The following DNAH12 variants were observed in gnomAD, a reference collection of about 807,000 sequenced individuals.
DNAH12 encodes dynein axonemal heavy chain 12, also known as axonemal beta dynein heavy chain 12.
Under a neutral mutation model 371.5 loss-of-function variants are expected in DNAH12, and 285 were observed. The observed-to-expected ratio is 0.77, with a 90% confidence interval of 0.70 to 0.85. The LOEUF (loss-of-function observed/expected upper bound fraction) is 0.85, where lower values mean the gene tolerates loss of function less well. Ranked by LOEUF, DNAH12 falls within the 40% of genes least tolerant of loss-of-function variation. The pLI is 0.00. For synonymous variants in DNAH12, 1,200 were observed against 1,213.0 expected (o/e 0.99, Z 0.22); for missense variants, 3,611 against 3,689.4 (o/e 0.98, Z 0.55).
At chr3:57,525,803 C>T (rs768754040) in intron 2 of DNAH12, among the ~76,000 whole-genome samples, 1 of 115,254 alleles carries the variant, frequency 8.7e-6, no homozygotes, top group Admixed American at 1.2e-4. Flanking sequence ...CACTCTGTCC[C>T]CCAGGCTGGA....
At chr3:57,501,503 T>C in intron 10 of DNAH12, 91 bp from the exon 11 acceptor site, 1 of 811,956 alleles carries the variant, frequency 1.2e-6, no homozygotes, top group Non-Finnish European at 1.9e-6. Context: ...GGGGACCTAC[T>C]CAATTAAATA....
chr3:57,542,982 C>A, intron 1 of DNAH12, 79 bp from the exon 2 acceptor site: 1 of 1,088,488 alleles, frequency 9.2e-7, no homozygotes, highest in Non-Finnish European at 1.2e-6. Context: ...CATATCAATA[C>A]CAAAAGTAAA....
At chr3:57,309,537 G>T in intron 68 of DNAH12, 129 bp downstream of exon 68, 1 of 908,324 alleles carries the variant, frequency 1.1e-6, no homozygotes, top group Non-Finnish European at 1.5e-6. Flanking sequence ...TAACGGATTT[G>T]GAGGCTAATG....
chr3:57,342,484 CAAAAAA>C (rs71088060), intron 60 of DNAH12, among the ~76,000 whole-genome samples: 104 of 66,048 alleles, frequency 1.6e-3, no homozygotes, highest in Non-Finnish European at 2.4e-3. Context: ...ACTAAAAATA[CAAAAAA>C]AAAAAAAAAA....
chr3:57,442,459 C>T (rs1261407090), intron 29 of DNAH12, among the ~76,000 whole-genome samples: 1 of 152,016 alleles, frequency 6.6e-6, no homozygotes, highest in Non-Finnish European at 1.5e-5. Flanking sequence ...AAAATACTAA[C>T]TGTAAAGTTG....
intron 11 of DNAH12, among the ~76,000 whole-genome samples, chr3:57,491,842 C>CA (rs2067136944): frequency 6.6e-6 from 1 of 151,876 alleles, no homozygotes; most frequent in South Asian, 2.1e-4. Flanking sequence ...CCTATCTCTA[C>CA]AAAAAATACA....
chr3:57,434,528 T>C (rs1034466942), intron 30 of DNAH12, among the ~76,000 whole-genome samples: 2 of 152,140 alleles, frequency 1.3e-5, no homozygotes, highest in African/African-American at 4.8e-5. Context: ...TCTTACAGAA[T>C]ATCCTAGCCC....
At chr3:57,299,045 C>A (rs74784366) in intron 70 of DNAH12, among the ~76,000 whole-genome samples, 1 of 152,152 alleles carries the variant, frequency 6.6e-6, no homozygotes, top group Non-Finnish European at 1.5e-5. Flanking sequence ...AGGAAGAGAA[C>A]AAACTGCTGC....
At chr3:57,448,572 G>A (rs927770274) in intron 25 of DNAH12, among the ~76,000 whole-genome samples, 2 of 152,300 alleles carry the variant, frequency 1.3e-5, no homozygotes, top group African/African-American at 4.8e-5. Flanking sequence ...ATTGCAAAAA[G>A]CAAAAGAACA....
At chr3:57,490,214 C>T (rs1303646218) in intron 11 of DNAH12, among the ~76,000 whole-genome samples, 3 of 151,928 alleles carry the variant, frequency 2.0e-5, no homozygotes, top group East Asian at 3.9e-4. Context: ...GCCTATAATC[C>T]CAGCTACTGT....
intron 1 of DNAH12, among the ~76,000 whole-genome samples, chr3:57,543,315 G>GTTTTTTTTTTTTTTT (rs5849214): frequency 1.4e-5 from 1 of 70,286 alleles, no homozygotes; most frequent in African/African-American, 6.3e-5. Flanking sequence ...ATCATTAATG[G>GTTTTTTTTTTTTTTT]TTTTTTTTTT....
intron 65 of DNAH12, among the ~76,000 whole-genome samples, chr3:57,318,583 C>T (rs1005265051): frequency 4.0e-5 from 6 of 151,884 alleles, no homozygotes; most frequent in Non-Finnish European, 7.4e-5. Context: ...CAAAATGCTC[C>T]AAAATCCAAA....
At position 57,470,555 on chromosome 3, in the gene DNAH12, G is replaced by T. The variant is rs1159853240; in HGVS notation, c.1993C>A (p.Leu665Ile). The T allele has an allele frequency of 1.9e-6, 3 of 1,549,816 alleles. No homozygotes were observed. Among genetic ancestry groups the T allele is most frequent in the Admixed American group, 3.9e-5 (2 of 50,634 alleles). ...TATTTTGTCAATTCCCACTTGAAAAGTTCCTCTTCTTTATTAATAAACTGC... is the reference window on the plus strand; with the variant it reads ...TATTTTGTCAATTCCCACTTGAAAATTTCCTCTTCTTTATTAATAAACTGC... Reference protein sequence around the residue: ...AVQFINKEEELFKWELTKYPE... With the variant: ...AVQFINKEEEIFKWELTKYPE... The change falls in exon 16 of 74, where the codon CTT (leucine) becomes ATT (isoleucine). Residue 665 changes from leucine to isoleucine, a missense_variant. Leu to Ile is a conservative substitution (Grantham distance 5). Transcript: ENST00000495027.
intron 4 of DNAH12, among the ~76,000 whole-genome samples, chr3:57,521,573 A>C (rs2068446063): frequency 6.6e-6 from 1 of 152,138 alleles, no homozygotes; most frequent in East Asian, 1.9e-4. Flanking sequence ...ATTCTGTTCC[A>C]CTAATCAAAG....
intron 59 of DNAH12, among the ~76,000 whole-genome samples, chr3:57,353,069 G>A (rs1466843863): frequency 1.3e-5 from 2 of 152,074 alleles, no homozygotes; most frequent in Non-Finnish European, 2.9e-5. Context: ...CTGGGTAATG[G>A]AATGAGACTC....
intron 11 of DNAH12, among the ~76,000 whole-genome samples, chr3:57,493,993 G>A (rs545447866): frequency 1.3e-5 from 2 of 152,184 alleles, no homozygotes; most frequent in South Asian, 2.1e-4. Context: ...AGAGCTTTGG[G>A]ATGCTGAGGC....
intron 15 of DNAH12, among the ~76,000 whole-genome samples, chr3:57,471,142 G>C (rs1294379427): frequency 6.6e-6 from 1 of 151,884 alleles, no homozygotes; most frequent in Non-Finnish European, 1.5e-5. Flanking sequence ...CTAAGAGTCA[G>C]GTCTTTGTTT....
intron 62 of DNAH12, among the ~76,000 whole-genome samples, chr3:57,332,539 T>C (rs1300380957): frequency 1.3e-5 from 2 of 152,190 alleles, no homozygotes; most frequent in Non-Finnish European, 2.9e-5. Context: ...CTTGGAGGTA[T>C]GCTAGACTGT....
intron 2 of DNAH12, among the ~76,000 whole-genome samples, chr3:57,542,053 C>T (rs776230446): frequency 6.7e-6 from 1 of 149,844 alleles, no homozygotes; most frequent in Non-Finnish European, 1.5e-5. Context: ...CCAGCAGAAT[C>T]GGCTGTCTAG....
Sources: gnomAD v4.1 joint callset for allele counts (sites outside exome capture counted in the v4.1 genomes callset) on GRCh38, gnomAD v4.1.1 for gene constraint, MANE v1.5 for transcripts, NCBI Gene and HGNC (gene_info 2026-07-23, HGNC 2026-07-21) for gene names.